LHPP: variants seen among roughly 807,000 people sequenced by gnomAD.
LHPP encodes phospholysine phosphohistidine inorganic pyrophosphate phosphatase.
In LHPP, 24 loss-of-function variants were observed where a neutral mutation model predicts 30.3. The observed-to-expected ratio is 0.79, with a 90% CI of 0.57 to 1.11. The LOEUF (loss-of-function observed/expected upper bound fraction) is 1.11. LHPP is among the 50% of genes most tolerant of loss of function. The pLI, the probability that LHPP is intolerant of heterozygous loss-of-function variation, is 0.00. For synonymous variants in LHPP, 150 were observed against 157.1 expected, an observed-to-expected ratio of 0.95 and a Z score of 0.34; for missense variants, 356 against 367.2, an observed-to-expected ratio of 0.97 and a Z score of 0.25.
chr10:124,540,322 C>G (rs1589844393), intron 6 of LHPP, among the ~76,000 whole-genome samples: 1 of 152,222 alleles, frequency 6.6e-6, no homozygotes, highest in Non-Finnish European at 1.5e-5. Flanking sequence ...GGGTTCCCAC[C>G]AGGGGGCGGC....
rs533836531 is a variant in LHPP at position 124,533,815 on chromosome 10, G to A, written c.716+16544G>A. 1.6e-4 allele frequency among the ~76,000 whole-genome samples: 24 copies of A among 152,352 alleles called. No homozygotes were observed. The East Asian group carries it at 4.4e-3, about 28-fold the overall frequency. On this transcript the variant is annotated intron_variant, in intron 6 of 6. Transcript: ENST00000368842. ...CCTGAAGGGTCCCACGCTGCAGAGG[G>A]CCCCAGCCCAGGGCCAGACCCCAAG... is the stretch of plus-strand genomic sequence containing the variant.
rs1204508223 is a variant in LHPP, at chr10:124,592,767, G to T, written c.717-20497G>T. Among the ~76,000 whole-genome samples, 1 of 152,244 alleles carries T rather than the reference G, an allele frequency of 6.6e-6. No individual in the cohort carries two copies. Among genetic ancestry groups the T allele is most frequent in the African/African-American group, 2.4e-5 (1 of 41,482 alleles). ...AAAGCAGTGTTGACAGAGTGTCCTG[G>T]AGGGCAGCTTGTCTCCCTGGCCTGG... On this transcript the variant is annotated intron_variant, in intron 6 of 6. Transcript: ENST00000368842. The surrounding 1 kb of genome is among the most constrained non-coding windows in gnomAD (Gnocchi z 6.2).
intron 6 of LHPP, among the ~76,000 whole-genome samples, chr10:124,602,824 C>T (rs535366164): frequency 6.6e-6 from 1 of 152,352 alleles, no homozygotes; most frequent in African/African-American, 2.4e-5. Flanking sequence ...CACCAGGAGA[C>T]TGTAAGGATC....
At chr10:124,540,870 C>G (rs1955166969) in intron 6 of LHPP, among the ~76,000 whole-genome samples, 1 of 152,138 alleles carries the variant, frequency 6.6e-6, no homozygotes, top group African/African-American at 2.4e-5. Flanking sequence ...GGAACCTGGG[C>G]TCACTTCTTT....
rs1949189122 is a variant in LHPP, at chr10:124,611,001, T to TGC, written c.717-2263_717-2262insGC. The stretch of plus-strand genomic sequence containing the variant: ...GGTGCTGGTGGAGCGGGTGAGGGTG[T>TGC]TAATGAAGCGGGTGCGGGTGAGGGT... On this transcript the variant is annotated intron_variant, in intron 6 of 6. Transcript: ENST00000368842. Among the ~76,000 whole-genome samples the TGC allele has an allele frequency of 2.4e-4, 4 of 16,678 alleles. 1 individual carries two copies. Among genetic ancestry groups the TGC allele is most frequent in the East Asian group, 2.7e-3 (1 of 370 alleles). The allele number at this position is 16,678 out of a possible 152,430, so 10.9% of individuals were successfully genotyped here. A position where few individuals can be genotyped will look rare whatever the true frequency, so the allele number is the denominator to read the frequency against.
intron 6 of LHPP, among the ~76,000 whole-genome samples, chr10:124,573,227 C>T (rs966518586): frequency 6.6e-6 from 1 of 152,230 alleles, no homozygotes; most frequent in Non-Finnish European, 1.5e-5. Context: ...ATCCAGTTTC[C>T]TCTGTGAACA....
rs1401068687 is a variant in LHPP, at chr10:124,541,131, G to A, written c.716+23860G>A. On this transcript the variant is annotated intron_variant, in intron 6 of 6. Transcript: ENST00000368842. The surrounding 1 kb of genome is among the most constrained non-coding windows in gnomAD (Gnocchi z 4.2). Reference sequence around the variant, plus strand: ...CCGGAGGAGAGCCTGCCATACCCACGCAGTGTGCCTGAGTCCTGGAGTGCG... The same window carrying A: ...CCGGAGGAGAGCCTGCCATACCCACACAGTGTGCCTGAGTCCTGGAGTGCG... 6.6e-6 allele frequency among the ~76,000 whole-genome samples: 1 copy of A among 152,166 alleles called. No individual in the cohort carries two copies.
intron 5 of LHPP, among the ~76,000 whole-genome samples, chr10:124,515,383 A>G (rs1954424908): frequency 6.6e-6 from 1 of 152,054 alleles, no homozygotes; most frequent in South Asian, 2.1e-4. Context: ...CTACTTTTGG[A>G]ACACATGAAA....
chr10:124,561,529 C>A (rs575835317), intron 6 of LHPP, among the ~76,000 whole-genome samples: 1 of 151,868 alleles, frequency 6.6e-6, no homozygotes, highest in Admixed American at 6.6e-5. Context: ...GGCTATCCGC[C>A]CCCCCCACAA....
chr10:124,474,803 T>A (rs1333988363), intron 1 of LHPP, among the ~76,000 whole-genome samples: 1 of 152,062 alleles, frequency 6.6e-6, no homozygotes, highest in African/African-American at 2.4e-5. Flanking sequence ...GGGGCTCAGT[T>A]CACCCTGGGC....
chr10:124,509,527 G>A (rs910890996), intron 5 of LHPP, among the ~76,000 whole-genome samples: 1 of 151,764 alleles, frequency 6.6e-6, no homozygotes, highest in African/African-American at 2.4e-5. Context: ...ACAGATGCTT[G>A]TTTCCCCACA....
At chr10:124,475,191 T>G (rs1952904413) in intron 1 of LHPP, among the ~76,000 whole-genome samples, 1 of 151,762 alleles carries the variant, frequency 6.6e-6, no homozygotes, top group South Asian at 2.1e-4. Context: ...CCCAGCTAAC[T>G]TTTGTATTTT....
intron 6 of LHPP, among the ~76,000 whole-genome samples, chr10:124,578,116 A>T (rs1055156467): frequency 3.3e-5 from 5 of 152,152 alleles, no homozygotes; most frequent in African/African-American, 1.2e-4. Context: ...TTCCTCCCAT[A>T]GACACATTTG....
intron 6 of LHPP, among the ~76,000 whole-genome samples, chr10:124,585,114 T>C (rs1275261404): frequency 6.6e-6 from 1 of 152,232 alleles, no homozygotes; most frequent in Non-Finnish European, 1.5e-5. Context: ...GAAACACTTT[T>C]GGTCCCATGC....
At chr10:124,511,561 C>T (rs1197896026) in intron 5 of LHPP, among the ~76,000 whole-genome samples, 1 of 152,182 alleles carries the variant, frequency 6.6e-6, no homozygotes, top group Non-Finnish European at 1.5e-5. Context: ...CCACCTCCTC[C>T]GAGCTCTCTC....
chr10:124,589,843 GT>G (rs1564843791), intron 6 of LHPP, among the ~76,000 whole-genome samples: 1 of 152,146 alleles, frequency 6.6e-6, no homozygotes, highest in African/African-American at 2.4e-5. Context: ...GTGCAGCCCC[GT>G]CCTCCAGCCC....
intron 6 of LHPP, among the ~76,000 whole-genome samples, chr10:124,537,598 C>T (rs1015702962): frequency 3.9e-5 from 6 of 152,210 alleles, no homozygotes; most frequent in African/African-American, 1.2e-4. Flanking sequence ...GTCTGCGGAC[C>T]GTGCTCGTGA....
At chr10:124,529,233 C>A (rs371927672) in intron 6 of LHPP, among the ~76,000 whole-genome samples, 1 of 151,958 alleles carries the variant, frequency 6.6e-6, no homozygotes, top group African/African-American at 2.4e-5. Context: ...GACGGGGTTT[C>A]ACTGTGTTAG....
chr10:124,519,613 C>T (rs1039020535), intron 6 of LHPP, among the ~76,000 whole-genome samples: 3 of 152,108 alleles, frequency 2.0e-5, no homozygotes, highest in African/African-American at 4.8e-5. Context: ...CGGCAAGCCC[C>T]CAAAGTCCAT....
Sources: allele counts gnomAD v4.1 joint callset (sites outside exome capture counted in the v4.1 genomes callset), GRCh38; gene constraint gnomAD v4.1.1; non-coding constraint Gnocchi (gnomAD v3.1); transcripts MANE v1.5; gene names NCBI Gene and HGNC (gene_info 2026-07-23, HGNC 2026-07-21).